DAB1: variants seen among roughly 807,000 people sequenced by gnomAD.
DAB1 encodes the protein DAB adaptor protein 1.
Under a neutral mutation model 64.6 loss-of-function variants are expected in DAB1, and 15 were observed. The observed-to-expected ratio is 0.23, with a 90% CI of 0.16 to 0.36. The LOEUF is 0.36. Ranked by LOEUF, DAB1 falls within the 10% of genes least tolerant of loss-of-function variation. The probability of loss-of-function intolerance (pLI) is 1.00; values close to 1 mark genes in which losing one functional copy is unlikely to be tolerated. For synonymous variants in DAB1, 235 were observed against 251.9 expected (o/e 0.93, Z 0.64); for missense variants, 596 against 706.7 (o/e 0.84, Z 1.78).
At chr1:57,485,390 G>A (rs1644077937) in intron 7 of DAB1, among the ~76,000 whole-genome samples, 1 of 152,144 alleles carries the variant, frequency 6.6e-6, no homozygotes, top group Non-Finnish European at 1.5e-5. Context: ...CTGATAAAGT[G>A]GGATTTGACA....
intron 1 of DAB1, among the ~76,000 whole-genome samples, chr1:57,404,088 C>A (rs10493221): frequency 0.36 from 54,869 of 151,526 alleles, 10,420 homozygotes; most frequent in Non-Finnish European, 0.43. Context: ...AGATACGCAT[C>A]AAAGCATTAT....
chr1:58,118,503 T>TATATATATATATATATACAC (rs1341446315), intron 5 of DAB1, among the ~76,000 whole-genome samples: 13 of 53,096 alleles, frequency 2.4e-4, no homozygotes, highest in South Asian at 7.6e-4. Flanking sequence ...TATATATATA[T>TATATATATATATATATACAC]ACACACACAC....
intron 1 of DAB1, among the ~76,000 whole-genome samples, chr1:57,335,480 T>A (rs902941364): frequency 5.9e-5 from 9 of 152,138 alleles, no homozygotes; most frequent in African/African-American, 2.2e-4. Flanking sequence ...TAAATGAACA[T>A]CCCCTTTCAT....
intron 1 of DAB1, among the ~76,000 whole-genome samples, chr1:57,858,338 T>C (rs989239): frequency 6.6e-6 from 1 of 152,078 alleles, no homozygotes; most frequent in African/African-American, 2.4e-5. Flanking sequence ...ATTACCATCA[T>C]GAATTCAACA....
In DAB1 at chr1:58,538,029, A is replaced by T. The variant is rs184591098; in HGVS notation, n.32+8674T>A. On this transcript the variant is annotated intron_variant and non_coding_transcript_variant, in intron 1 of 20. Coordinates refer to the DAB1 transcript ENST00000485760. The stretch of plus-strand genomic sequence containing the variant: ...TATCGCTTTTGGGTGCCAACACCAA[A>T]TCATGAAAAACACAATAAGTTACAA... 2.1e-4 allele frequency among the ~76,000 whole-genome samples: 32 copies of T among 152,348 alleles called. 1 individual carries two copies. Among genetic ancestry groups the T allele is most frequent in the Admixed American group, 1.0e-3 (16 of 15,298 alleles).
chr1:57,123,153 A>T (rs1160025560), intron 4 of DAB1, among the ~76,000 whole-genome samples: 1 of 152,176 alleles, frequency 6.6e-6, no homozygotes, highest in Non-Finnish European at 1.5e-5. Context: ...GTGGAGAATC[A>T]ACAATATGAC....
intron 5 of DAB1, among the ~76,000 whole-genome samples, chr1:58,029,924 G>A (rs181542855): frequency 4.6e-5 from 7 of 152,168 alleles, no homozygotes; most frequent in Non-Finnish European, 8.8e-5. Flanking sequence ...AGTATGAATC[G>A]TCCAGGTGCA....
At chr1:57,750,601 T>A (rs1280859973) in intron 6 of DAB1, among the ~76,000 whole-genome samples, 1 of 152,188 alleles carries the variant, frequency 6.6e-6, no homozygotes, top group Non-Finnish European at 1.5e-5. Flanking sequence ...GTAGTTGAAA[T>A]GAAATCTCTA....
chr1:57,042,706 C>T (rs116806143), intron 9 of DAB1, among the ~76,000 whole-genome samples: 2,638 of 152,206 alleles, frequency 0.017, 82 homozygotes, highest in African/African-American at 0.059. Flanking sequence ...AATGGATGAA[C>T]TTCTTTATAT....
Position 57,769,189 on chromosome 1 carries a change from G to A in DAB1, n.551+114810C>T, listed in dbSNP as rs148008147. Among the ~76,000 whole-genome samples, 9 of 152,238 alleles carry A rather than the reference G, an allele frequency of 5.9e-5. No homozygotes were observed. The South Asian group carries it at 6.2e-4, about 11-fold the overall frequency. On this transcript the variant is annotated intron_variant and non_coding_transcript_variant, in intron 6 of 20. Transcript: ENST00000485760. The stretch of plus-strand genomic sequence containing the variant: ...CGAAATAACCTTATGTATGTGTGCC[G>A]TATCTTCTTTAATGGAAAAGGAAAT...
chr1:57,094,542 G>A (rs1356522674), intron 4 of DAB1, among the ~76,000 whole-genome samples: 1 of 152,190 alleles, frequency 6.6e-6, no homozygotes, highest in African/African-American at 2.4e-5. Flanking sequence ...ATTTGGGGAT[G>A]CAGTAATGCT....
At chr1:57,513,911 T>G (rs10443216) in intron 7 of DAB1, among the ~76,000 whole-genome samples, 81,012 of 139,482 alleles carry the variant, frequency 0.58, 23,701 homozygotes, top group East Asian at 0.73. Context: ...AAAGTTCCAC[T>G]TTTTTTAGGT....
intron 1 of DAB1, among the ~76,000 whole-genome samples, chr1:58,528,902 C>T (rs988612655): frequency 2.0e-5 from 3 of 151,976 alleles, no homozygotes; most frequent in South Asian, 2.1e-4. Context: ...TTTTCATTGA[C>T]GAATTACAGT....
intron 4 of DAB1, among the ~76,000 whole-genome samples, chr1:57,076,813 T>C (rs1469789122): frequency 6.6e-6 from 1 of 152,178 alleles, no homozygotes; most frequent in Non-Finnish European, 1.5e-5. Flanking sequence ...TGCATTATAT[T>C]TGTCCTTCTA....
chr1:58,520,526 C>A (rs922155490), intron 2 of DAB1, among the ~76,000 whole-genome samples: 1 of 152,140 alleles, frequency 6.6e-6, no homozygotes, highest in African/African-American at 2.4e-5. Context: ...AATAGACTAA[C>A]TTTTCCCCAA....
chr1:57,585,999 C>T (rs746844717), intron 7 of DAB1, among the ~76,000 whole-genome samples: 127 of 152,148 alleles, frequency 8.3e-4, no homozygotes, highest in Non-Finnish European at 9.4e-4. Context: ...ACAACTAATT[C>T]CAGGGCTCTG....
chr1:57,679,286 A>T (rs1198732244), intron 6 of DAB1, among the ~76,000 whole-genome samples: 1 of 152,190 alleles, frequency 6.6e-6, no homozygotes, highest in East Asian at 1.9e-4. Flanking sequence ...TGAGATAAAG[A>T]AACTAAGATT....
intron 3 of DAB1, among the ~76,000 whole-genome samples, chr1:58,394,390 T>C (rs1473963401): frequency 2.0e-5 from 3 of 152,124 alleles, no homozygotes; most frequent in Non-Finnish European, 2.9e-5. Flanking sequence ...TGAAAGCGTA[T>C]AAAAATAAAA....
chr1:58,468,909 G>A, intron 3 of DAB1: 1 of 240,860 alleles, frequency 4.2e-6, no homozygotes, highest in Non-Finnish European at 6.7e-6. Context: ...AGAGTGATCT[G>A]AGTGGTACCC....
Sources: allele counts gnomAD v4.1 joint callset (sites outside exome capture counted in the v4.1 genomes callset), GRCh38; gene constraint gnomAD v4.1.1; transcripts MANE v1.5; gene names NCBI Gene and HGNC (gene_info 2026-07-23, HGNC 2026-07-21).